FBLN1: variants seen among roughly 807,000 people sequenced by gnomAD.
FBLN1 encodes the protein fibulin-1.
In FBLN1, 34 loss-of-function variants were observed where a neutral mutation model predicts 89.7. That is an observed-to-expected ratio of 0.38 (90% CI 0.29 to 0.50). The LOEUF (loss-of-function observed/expected upper bound fraction) is 0.50, where lower values mean the gene tolerates loss of function less well. FBLN1 is among the 20% of genes least tolerant of loss of function. FBLN1 has a pLI of 0.92. For missense variants in FBLN1, 777 were observed against 988.1 expected (o/e 0.79, Z 2.86); for synonymous variants, 393 against 391.3 (o/e 1.00, Z -0.05).
In FBLN1 at chr22:45,562,748, G is replaced by A. The variant is rs968235608; in HGVS notation, c.1698-11763G>A. On this transcript the variant is annotated intron_variant, in intron 14 of 16. Coordinates refer to ENST00000327858, the MANE Select transcript of FBLN1 (RefSeq NM_006486.3). This position sits in a 1 kb window ranked among gnomAD's most constrained non-coding sequence, Gnocchi z 7.8. ...AATCAGCAGCCTGGAGGTCCACGGC[G>A]CCTCCCGCAGGTGAGTGAGGTGTGC... is the stretch of plus-strand genomic sequence containing the variant. Among the ~76,000 whole-genome samples the A allele has an allele frequency of 6.6e-6, 1 of 152,212 alleles. No individual in the cohort carries two copies.
At chr22:45,520,580 G>A (rs2088236614) in intron 2 of FBLN1, among the ~76,000 whole-genome samples, 1 of 152,186 alleles carries the variant, frequency 6.6e-6, no homozygotes, top group Admixed American at 6.5e-5. Context: ...GACTTCACCA[G>A]ATAGATTTTG....
intron 14 of FBLN1, chr22:45,565,352 C>T: frequency 8.7e-7 from 1 of 1,149,800 alleles, no homozygotes; most frequent in Non-Finnish European, 1.1e-6. Context: ...CACCCCAGCT[C>T]ATCCATGTGC....
At chr22:45,571,373 C>G (rs1485349484) in intron 14 of FBLN1, among the ~76,000 whole-genome samples, 1 of 152,172 alleles carries the variant, frequency 6.6e-6, no homozygotes, top group Non-Finnish European at 1.5e-5. Flanking sequence ...AAGCATTAAA[C>G]ATTCAGTTAC....
intron 7 of FBLN1, among the ~76,000 whole-genome samples, 155 bp downstream of exon 7, chr22:45,534,053 A>T (rs1047145531): frequency 6.6e-6 from 1 of 152,142 alleles, no homozygotes; most frequent in African/African-American, 2.4e-5. Flanking sequence ...AGGTGGTTAT[A>T]CCCACCAGGG....
chr22:45,515,784 A>C (rs1019519991), intron 1 of FBLN1, among the ~76,000 whole-genome samples: 1 of 152,230 alleles, frequency 6.6e-6, no homozygotes, highest in African/African-American at 2.4e-5. Flanking sequence ...CCCTGGGAAG[A>C]CAGTGCAAGC....
At chr22:45,595,584 A>G (rs2089177090) in intron 16 of FBLN1, among the ~76,000 whole-genome samples, 1 of 23,026 alleles carries the variant, frequency 4.3e-5, no homozygotes, top group South Asian at 9.6e-4. Context: ...GTCTTCAGCC[A>G]TTGTAGAGAC....
chr22:45,528,707 G>A (rs1270950807), intron 4 of FBLN1, among the ~76,000 whole-genome samples: 1 of 151,798 alleles, frequency 6.6e-6, no homozygotes, highest in Non-Finnish European at 1.5e-5. Context: ...CTAAATATTT[G>A]AGTACCATAC....
intron 2 of FBLN1, among the ~76,000 whole-genome samples, chr22:45,520,609 C>T (rs1327199560): frequency 6.6e-6 from 1 of 152,126 alleles, no homozygotes; most frequent in Non-Finnish European, 1.5e-5. Context: ...CAATTTAGCC[C>T]ATAATAGGGA....
chr22:45,563,179 C>T lies in FBLN1; in HGVS notation c.1698-11332C>T, dbSNP rs1379318422. ...CTGTCCCCGAGCCCAGGGACTTGCT[C>T]CTGACCGTCAAGATGGATCTCTCTC... On this transcript the variant is annotated intron_variant, in intron 14 of 16. Transcript: ENST00000327858. This position sits in a 1 kb window ranked among gnomAD's most constrained non-coding sequence, Gnocchi z 5.7. 3 of 1,613,658 alleles carry T rather than the reference C, an allele frequency of 1.9e-6. No homozygotes were observed. Among genetic ancestry groups the T allele is most frequent in the African/African-American group, 2.7e-5 (2 of 74,924 alleles).
rs1172618137 is a variant in FBLN1, at chr22:45,577,439, T to A, written c.1972+331T>A. Among the ~76,000 whole-genome samples, 2 of 152,136 alleles carry A rather than the reference T, an allele frequency of 1.3e-5. No homozygotes were observed. Among genetic ancestry groups the A allele is most frequent in the African/African-American group, 4.8e-5 (2 of 41,430 alleles). On this transcript the variant is annotated intron_variant, in intron 16 of 16. Transcript: ENST00000327858. The surrounding 1 kb of genome is among the most constrained non-coding windows in gnomAD (Gnocchi z 6.6). The stretch of plus-strand genomic sequence containing the variant: ...TGAATTTCAAATGATACCACCCAAG[T>A]AAAGTGCTTGTCCTGAGGGCTGGCA...
chr22:45,539,622 C>T (rs2146977581), intron 8 of FBLN1, among the ~76,000 whole-genome samples: 1 of 152,348 alleles, frequency 6.6e-6, no homozygotes, highest in Admixed American at 6.5e-5. Flanking sequence ...ATCTAGGAAG[C>T]ACTGGGTGAA....
rs926324497 is a variant in FBLN1, at chr22:45,572,426, T to C, written c.1698-2085T>C. On this transcript the variant is annotated intron_variant, in intron 14 of 16. Transcript: ENST00000327858. The surrounding 1 kb of genome is among the most constrained non-coding windows in gnomAD (Gnocchi z 5.8). ...AGTGGCTTCCATCATGGGTTCATAC[T>C]GATTTTTTTTTCCCCAAAAATCCTT... Among the ~76,000 whole-genome samples the C allele has an allele frequency of 3.9e-5, 6 of 152,330 alleles. No homozygotes were observed. The highest frequency in any genetic ancestry group is 1.4e-4 in the African/African-American group (6 of 41,582).
At chr22:45,586,118 C>T (rs879813292) in intron 16 of FBLN1, among the ~76,000 whole-genome samples, 12 of 152,222 alleles carry the variant, frequency 7.9e-5, no homozygotes, top group Non-Finnish European at 1.5e-4. Context: ...CCTCCCTGCT[C>T]AGTGGGTGGC....
Position 45,533,071 on chromosome 22 carries a change from C to A in FBLN1, c.553C>A (p.Pro185Thr). ...YLNDRCRGGG[P>T]CKQQCRDTGD... ...GCACGCTGTGCTTCCAGGAGGCGGG[C>A]CCTGCAAGCAGCAGTGCCGAGACAC... is the stretch of plus-strand genomic sequence containing the variant. The change falls in exon 6 of 17, where the codon CCC becomes ACC. Residue 185 changes from proline (P) to threonine (T), a missense_variant. Pro to Thr is a conservative substitution (Grantham distance 38, BLOSUM62 -1). Coordinates refer to ENST00000327858, the MANE Select transcript of FBLN1 (RefSeq NM_006486.3). The A allele has an allele frequency of 6.2e-7, 1 of 1,613,972 alleles. No individual in the cohort carries two copies. The highest frequency in any genetic ancestry group is 8.5e-7 in the Non-Finnish European group (1 of 1,179,852).
intron 16 of FBLN1, among the ~76,000 whole-genome samples, chr22:45,593,435 G>A (rs1290614391): frequency 6.6e-6 from 1 of 152,168 alleles, no homozygotes; most frequent in Non-Finnish European, 1.5e-5. Flanking sequence ...GAGAAAAAAA[G>A]TGCTTAATTA....
Position 45,562,820 on chromosome 22 carries a change from C to T in FBLN1, c.1698-11691C>T, listed in dbSNP as rs1425932707. Reference sequence around the variant, plus strand: ...CCAGAGGGGCGGCGGGAGGCCCCGCCTGCCAGCCCCGCATCCCCGCGCTCT... The same window carrying T: ...CCAGAGGGGCGGCGGGAGGCCCCGCTTGCCAGCCCCGCATCCCCGCGCTCT... On this transcript the variant is annotated intron_variant, in intron 14 of 16. Transcript: ENST00000327858. The surrounding 1 kb of genome is among the most constrained non-coding windows in gnomAD (Gnocchi z 7.8). 5.1e-5 allele frequency: 67 copies of T among 1,302,606 alleles called. No homozygotes were observed. The highest frequency in any genetic ancestry group is 7.4e-5 in the Non-Finnish European group (67 of 909,228). 80.7% of individuals were successfully genotyped at this position (1,302,606 alleles called of 1,614,324 possible).
In FBLN1 at chr22:45,537,619, C is replaced by CAA. The variant is rs136748; in HGVS notation, c.922+2296_922+2297dup. On this transcript the variant is annotated intron_variant, in intron 8 of 16. Coordinates refer to ENST00000327858, the MANE Select transcript of FBLN1 (RefSeq NM_006486.3). The surrounding 1 kb of genome is among the most constrained non-coding windows in gnomAD (Gnocchi z 5.7). ...TGGACAACAGAGCAAGACTCTGTGT[C>CAA]AAAAAAAAAAAAAAAGATAAAAAGA... 2.2e-5 allele frequency among the ~76,000 whole-genome samples: 3 copies of CAA among 135,594 alleles called. No homozygotes were observed. The highest frequency in any genetic ancestry group is 5.5e-5 in the African/African-American group (2 of 36,188). The allele number at this position is 135,594 out of a possible 152,430, so 89.0% of individuals were successfully genotyped here.
chr22:45,580,429 G>A lies in FBLN1; in HGVS notation c.1972+3321G>A, dbSNP rs1266953928. Among the ~76,000 whole-genome samples the A allele has an allele frequency of 6.6e-6, 1 of 152,196 alleles. No homozygotes were observed. Among genetic ancestry groups the A allele is most frequent in the Non-Finnish European group, 1.5e-5 (1 of 68,036 alleles). On this transcript the variant is annotated intron_variant, in intron 16 of 16. Transcript: ENST00000327858. This position sits in a 1 kb window ranked among gnomAD's most constrained non-coding sequence, Gnocchi z 8.6. Reference sequence around the variant, plus strand: ...ACCGGATCAGGAGGGCTTCCTGGAGGAGGTGAGGCCCGAGCTGAGTGTCCT... The same window carrying A: ...ACCGGATCAGGAGGGCTTCCTGGAGAAGGTGAGGCCCGAGCTGAGTGTCCT...
rs903580792 is a variant in FBLN1, at chr22:45,541,270, G to A, written c.964G>A (p.Gly322Arg). The A allele has an allele frequency of 6.2e-6, 10 of 1,614,150 alleles. No homozygotes were observed. The highest frequency in any genetic ancestry group is 2.2e-5 in the East Asian group (1 of 44,884). Residue 322 changes from glycine (G) to arginine (R), a missense_variant, in exon 9 of 17, where the codon GGG becomes AGG. Coordinates refer to ENST00000327858, the MANE Select transcript of FBLN1 (RefSeq NM_006486.3). ...GAGTATCAGTGCCCCGTGCCCTATC[G>A]GGCATACATGCATCAACACAGAGGG... The part of the protein sequence containing the change: ...CLSISAPCPI[G>R]HTCINTEGSY...
Sources: allele counts gnomAD v4.1 joint callset (sites outside exome capture counted in the v4.1 genomes callset), GRCh38; gene constraint gnomAD v4.1.1; non-coding constraint Gnocchi (gnomAD v3.1); transcripts MANE v1.5; gene names NCBI Gene and HGNC (gene_info 2026-07-23, HGNC 2026-07-21).